HFE: variants seen among roughly 807,000 people sequenced by gnomAD.
HFE encodes homeostatic iron regulator.
Under a neutral mutation model 40.9 loss-of-function variants are expected in HFE, and 36 were observed. The ratio of observed to expected loss-of-function variants is 0.88; its 90% CI spans 0.67 to 1.16. The LOEUF (loss-of-function observed/expected upper bound fraction) is 1.16, where lower values mean the gene tolerates loss of function less well. Among genes scored for constraint, HFE ranks in the 50% most tolerant of loss-of-function variants. The probability of loss-of-function intolerance (pLI) is 0.00; values close to 1 mark genes in which losing one functional copy is unlikely to be tolerated. For missense variants in HFE, 376 were observed against 432.0 expected, an observed-to-expected ratio of 0.87 and a Z score of 1.15; for synonymous variants, 157 against 165.4, an observed-to-expected ratio of 0.95 and a Z score of 0.39.
Position 26,096,507 on chromosome 6 carries a change from A to G in HFE, c.*2281A>G, listed in dbSNP as rs1264248138. 4.4e-6 allele frequency: 2 copies of G among 456,492 alleles called. No homozygotes were observed. The highest frequency in any genetic ancestry group is 4.7e-5 in the Admixed American group (2 of 42,558). The allele number at this position is 456,492 out of a possible 1,614,324, so 28.3% of individuals were successfully genotyped here. On this transcript the variant is annotated 3_prime_UTR_variant, in exon 6 of 6. Coordinates refer to ENST00000357618, the MANE Select transcript of HFE (RefSeq NM_000410.4). ...TGTTACTACATGCACTTGGCTGCAT[A>G]AATGTGGTACAAGCATTCTGTCTTG...
chr6:26,092,767 G>A lies in HFE; in HGVS notation c.699G>A (p.Gln233=), dbSNP rs769080664. 4 of 1,614,188 alleles carry A rather than the reference G, an allele frequency of 2.5e-6. No homozygotes were observed. The South Asian group carries it at 3.3e-5, about 13-fold the overall frequency. Residue 233 remains glutamine (Q), a synonymous_variant, in exon 4 of 6, where the codon CAG becomes CAA. Transcript: ENST00000357618. ...LRCRALNYYP[Q]NITMKWLKDK... is the part of the protein sequence containing the mutation. ...GTCGGGCCTTGAACTACTACCCCCA[G>A]AACATCACCATGAAGTGGCTGAAGG...
chr6:26,090,481 T>C (rs1425132852), intron 1 of HFE, among the ~76,000 whole-genome samples: 6 of 133,454 alleles, frequency 4.5e-5, no homozygotes, highest in African/African-American at 1.7e-4. Flanking sequence ...ACTGAAGGAA[T>C]TATTCCTCAG....
At chr6:26,090,668 C>G (rs1020232307) in intron 1 of HFE, among the ~76,000 whole-genome samples, 173 bp from the exon 2 acceptor site, 1 of 152,002 alleles carries the variant, frequency 6.6e-6, no homozygotes, top group African/African-American at 2.4e-5. Flanking sequence ...GAAAAGCACA[C>G]AAGGAAAGAG....
intron 1 of HFE, 40 bp from the exon 2 acceptor site, chr6:26,090,801 T>C (rs747457337): frequency 2.5e-6 from 4 of 1,609,242 alleles, no homozygotes; most frequent in Non-Finnish European, 3.4e-6. Context: ...CCTGCTCCCC[T>C]CCTACTACAC....
At position 26,087,448 on chromosome 6, in the gene HFE, C is replaced by T. The variant is rs1190491989; in HGVS notation, c.8C>T (p.Pro3Leu). 17 of 1,613,904 alleles carry T rather than the reference C, an allele frequency of 1.1e-5. No individual in the cohort carries two copies. Among genetic ancestry groups the T allele is most frequent in the Non-Finnish European group, 1.4e-5 (16 of 1,179,996 alleles). MGPRARPALLLLM... is the reference protein window; with the variant it reads MGLRARPALLLLM... ...GCGGCCAGAGCTGGGGAAATGGGCC[C>T]GCGAGCCAGGCCGGCGCTTCTCCTC... The change falls in exon 1 of 6, where the codon CCG becomes CTG. Residue 3 changes from proline (P) to leucine (L), a missense_variant. Pro to Leu is a moderately conservative substitution (Grantham distance 98). This residue lies in a region of HFE where 200 missense variants were observed against 228.5 expected (regional missense o/e 0.88). Coordinates refer to ENST00000357618, the MANE Select transcript of HFE (RefSeq NM_000410.4).
intron 1 of HFE, among the ~76,000 whole-genome samples, chr6:26,089,980 A>G (rs1178007847): frequency 6.6e-6 from 1 of 152,086 alleles, no homozygotes; most frequent in African/African-American, 2.4e-5. Flanking sequence ...TCTTTATTTT[A>G]ATTTTATTGG....
In HFE at chr6:26,091,102, A is replaced by T. The variant is rs777516776; in HGVS notation, c.338A>T (p.Lys113Met). ...ATTATGGAAAATCACAACCACAGCA[A>T]GGGTATGTGGAGAGGGGGCCTCACC... ...WTIMENHNHSKESHTLQVILG... is the reference protein window; with the variant it reads ...WTIMENHNHSMESHTLQVILG... The change falls in exon 2 of 6, where the codon AAG (lysine) becomes ATG (methionine). Residue 113 changes from lysine (K) to methionine (M), a missense_variant and splice_region_variant. This residue lies in a region of HFE where 200 missense variants were observed against 228.5 expected (regional missense o/e 0.88). Coordinates refer to ENST00000357618, the MANE Select transcript of HFE (RefSeq NM_000410.4). 1 of 1,614,176 alleles carries T rather than the reference A, an allele frequency of 6.2e-7. No individual in the cohort carries two copies. Among genetic ancestry groups the T allele is most frequent in the Non-Finnish European group, 8.5e-7 (1 of 1,180,018 alleles).
rs896080299 is a variant in HFE, at chr6:26,087,528, G to A, written c.76+12G>A. 8.7e-6 allele frequency: 14 copies of A among 1,609,022 alleles called. No homozygotes were observed. The highest frequency in any genetic ancestry group is 1.0e-5 in the Non-Finnish European group (12 of 1,176,074). On this transcript the variant is annotated intron_variant, in intron 1 of 5. Coordinates refer to ENST00000357618, the MANE Select transcript of HFE (RefSeq NM_000410.4). ...GGGGCGCTTGCTGCGTGAGTCCGAG[G>A]GCTGCGGGCGAACTAGGGGCGCGGC...
At chr6:26,090,588 A>G (rs186082438) in intron 1 of HFE, among the ~76,000 whole-genome samples, 4 of 151,766 alleles carry the variant, frequency 2.6e-5, no homozygotes, top group Admixed American at 2.6e-4. Context: ...GCTTTAGTGG[A>G]GTCTGTCTAA....
intron 2 of HFE, 95 bp downstream of exon 2, chr6:26,091,199 TG>T: frequency 6.2e-7 from 1 of 1,604,320 alleles, no homozygotes; most frequent in Non-Finnish European, 8.5e-7. Flanking sequence ...TGAGGTCTTG[TG>T]GGAGCAGGGA....
chr6:26,089,835 A>C (rs1355591059), intron 1 of HFE, among the ~76,000 whole-genome samples: 1 of 151,872 alleles, frequency 6.6e-6, no homozygotes, highest in African/African-American at 2.4e-5. Context: ...GCTGAGGTGG[A>C]GGGTATTGCT....
chr6:26,088,987 A>C (rs1393384443), intron 1 of HFE, among the ~76,000 whole-genome samples: 1 of 152,048 alleles, frequency 6.6e-6, no homozygotes, highest in African/African-American at 2.4e-5. Flanking sequence ...ACACTTGAGC[A>C]GAGACATGAA....
chr6:26,088,241 A>G (rs774849031), intron 1 of HFE, among the ~76,000 whole-genome samples: 9 of 152,206 alleles, frequency 5.9e-5, no homozygotes, highest in Non-Finnish European at 1.2e-4. Flanking sequence ...TTGATTTGCA[A>G]TGTGCTGTGT....
rs537002912 is a variant in HFE at position 26,093,145 on chromosome 6, A to G, written c.919A>G (p.Ile307Val). 1.2e-6 allele frequency: 2 copies of G among 1,614,124 alleles called. No individual in the cohort carries two copies. Among genetic ancestry groups the G allele is most frequent in the African/African-American group, 2.7e-5 (2 of 75,026 alleles). The change falls in exon 5 of 6, where the codon ATT becomes GTT. Residue 307 changes from isoleucine to valine, a missense_variant. By Grantham distance (29) the Ile-to-Val change is conservative. Coordinates refer to ENST00000357618, the MANE Select transcript of HFE (RefSeq NM_000410.4). ...GCCCTCACCGTCTGGCACCCTAGTCATTGGAGTCATCAGTGGAATTGCTGT... is the reference window on the plus strand; with the variant it reads ...GCCCTCACCGTCTGGCACCCTAGTCGTTGGAGTCATCAGTGGAATTGCTGT... ...WEPSPSGTLV[I>V]GVISGIAVFV...
intron 1 of HFE, among the ~76,000 whole-genome samples, chr6:26,088,788 G>C (rs1047013312): frequency 6.6e-6 from 1 of 152,190 alleles, no homozygotes. Flanking sequence ...AAGTGTAAAT[G>C]AGTCCCAGCC....
chr6:26,095,137 A>G lies in HFE; in HGVS notation c.*911A>G, dbSNP rs2113771460. The G allele has an allele frequency of 6.6e-6, 1 of 152,580 alleles. No homozygotes were observed. Among genetic ancestry groups the G allele is most frequent in the Non-Finnish European group, 1.5e-5 (1 of 68,234 alleles). 9.5% of individuals were successfully genotyped at this position (152,580 alleles called of 1,614,324 possible). ...CCTACTTACATGCATTACTGCATGC[A>G]CTTCTTACAATAATTCTATGAGATA... On this transcript the variant is annotated 3_prime_UTR_variant, in exon 6 of 6. Transcript: ENST00000357618.
chr6:26,090,430 G>A (rs1420545912), intron 1 of HFE, among the ~76,000 whole-genome samples: 1 of 104,980 alleles, frequency 9.5e-6, no homozygotes, highest in African/African-American at 3.8e-5. Context: ...GTGATAGAGT[G>A]AGACTCTGTC....
Position 26,094,206 on chromosome 6 carries a change from G to A in HFE, c.1027G>A (p.Val343Ile), listed in dbSNP as rs1403385321. The change falls in exon 6 of 6, where the codon GTC (valine) becomes ATC (isoleucine). Residue 343 changes from valine to isoleucine, a missense_variant. Around this residue, in one of 3 missense-constraint regions of HFE, gnomAD observed 173 missense variants for 186.9 expected, o/e 0.93. Coordinates refer to ENST00000357618, the MANE Select transcript of HFE (RefSeq NM_000410.4). Reference protein sequence around the residue: ...QGSRGAMGHYVLAERE With the variant: ...QGSRGAMGHYILAERE ...CACAGGAGGAGCCATGGGGCACTAC[G>A]TCTTAGCTGAACGTGAGTGACACGC... 16 of 1,613,844 alleles carry A rather than the reference G, an allele frequency of 9.9e-6. No homozygotes were observed. Among genetic ancestry groups the A allele is most frequent in the South Asian group, 2.2e-5 (2 of 91,084 alleles).
intron 5 of HFE, among the ~76,000 whole-genome samples, chr6:26,093,923 C>A (rs1413547443): frequency 6.6e-6 from 1 of 152,078 alleles, no homozygotes; most frequent in Non-Finnish European, 1.5e-5. Flanking sequence ...GTTATGATCA[C>A]TGGGGTGTCA....
Sources: gnomAD v4.1 joint callset for allele counts (sites outside exome capture counted in the v4.1 genomes callset) on GRCh38, gnomAD v4.1.1 for gene constraint, gnomAD v4.1.1 regional missense constraint, MANE v1.5 for transcripts, NCBI Gene and HGNC (gene_info 2026-07-23, HGNC 2026-07-21) for gene names.